Variants in SMCO4 observed in about 807,000 individuals in gnomAD.
SMCO4 encodes the protein single-pass membrane protein with coiled-coil domains 4.
In SMCO4, 4 loss-of-function variants were observed where a neutral mutation model predicts 3.6. The ratio of observed to expected loss-of-function variants is 1.11; its 90% CI spans 0.54 to 2.53. SMCO4 has a LOEUF of 2.53. SMCO4 is among the 30% of genes most tolerant of loss of function. The pLI is 0.02. For synonymous variants in SMCO4, 36 were observed against 35.3 expected, an observed-to-expected ratio of 1.02 and a Z score of -0.07; for missense variants, 70 against 80.8, an observed-to-expected ratio of 0.87 and a Z score of 0.51.
At chr11:93,502,719 A>G (rs1038326607) in intron 1 of SMCO4, among the ~76,000 whole-genome samples, 1 of 152,226 alleles carries the variant, frequency 6.6e-6, no homozygotes, top group East Asian at 1.9e-4. Context: ...TTAATGCTAC[A>G]CGGCAACATC....
chr11:93,486,042 C>A (rs1450985687), intron 2 of SMCO4, among the ~76,000 whole-genome samples: 1 of 152,180 alleles, frequency 6.6e-6, no homozygotes, highest in Non-Finnish European at 1.5e-5. Context: ...CCAAAGCCCA[C>A]CCATCCTGTG....
intron 1 of SMCO4, among the ~76,000 whole-genome samples, chr11:93,529,042 C>T (rs544138667): frequency 1.3e-5 from 2 of 152,226 alleles, no homozygotes; most frequent in East Asian, 3.9e-4. Context: ...GGCTCCCACT[C>T]GTGGGCAAGG....
At chr11:93,521,843 T>C (rs1037402308) in intron 1 of SMCO4, among the ~76,000 whole-genome samples, 1 of 152,170 alleles carries the variant, frequency 6.6e-6, no homozygotes, top group Non-Finnish European at 1.5e-5. Flanking sequence ...CTTCGCAATC[T>C]AGCCAATACC....
chr11:93,494,604 G>A (rs1280580303), intron 2 of SMCO4, among the ~76,000 whole-genome samples: 2 of 152,184 alleles, frequency 1.3e-5, no homozygotes, highest in East Asian at 3.9e-4. Context: ...AGAAACTCCA[G>A]CAGGGCACTA....
chr11:93,489,970 G>A (rs1948694461), intron 2 of SMCO4, among the ~76,000 whole-genome samples: 1 of 152,212 alleles, frequency 6.6e-6, no homozygotes, highest in Non-Finnish European at 1.5e-5. Flanking sequence ...TCCAGGCTCA[G>A]GGCAGTCTAG....
At chr11:93,546,433 T>C (rs558988484), upstream of SMCO4, among the ~76,000 whole-genome samples, 234 of 152,346 alleles carry the variant, frequency 1.5e-3, no homozygotes, top group African/African-American at 5.4e-3. Flanking sequence ...TCATAGAGGT[T>C]AGGTGTGTTT....
intron 1 of SMCO4, among the ~76,000 whole-genome samples, chr11:93,516,119 C>T (rs1048038534): frequency 2.6e-5 from 4 of 151,998 alleles, no homozygotes; most frequent in Non-Finnish European, 4.4e-5. Flanking sequence ...ATAAATTATC[C>T]CTTTTACTAA....
At chr11:93,485,170 C>A (rs948160408) in intron 2 of SMCO4, among the ~76,000 whole-genome samples, 6 of 152,190 alleles carry the variant, frequency 3.9e-5, no homozygotes, top group Admixed American at 3.3e-4. Flanking sequence ...CCATGAGTAG[C>A]TGGCATTATA....
chr11:93,514,374 C>CCATA (rs1555077516), intron 1 of SMCO4, among the ~76,000 whole-genome samples: 1 of 39,096 alleles, frequency 2.6e-5, no homozygotes, highest in South Asian at 7.0e-4. Context: ...CAGGATGAGG[C>CCATA]TATATATATA....
chr11:93,534,211 TATATACACACACACACACACACACAC>T (rs1382836638), intron 1 of SMCO4, among the ~76,000 whole-genome samples: 2 of 96,994 alleles, frequency 2.1e-5, no homozygotes, highest in East Asian at 6.2e-4. Context: ...AAAAAATATA[TATATACACACACACACACACACACAC>T]ACACACACAC....
At chr11:93,497,458 C>T (rs1447022270) in intron 2 of SMCO4, among the ~76,000 whole-genome samples, 1 of 152,196 alleles carries the variant, frequency 6.6e-6, no homozygotes, top group Non-Finnish European at 1.5e-5. Flanking sequence ...ACTTTCAAGA[C>T]TGACTGGAAG....
At chr11:93,500,352 T>C (rs1054616881) in intron 1 of SMCO4, among the ~76,000 whole-genome samples, 1 of 152,216 alleles carries the variant, frequency 6.6e-6, no homozygotes, top group Non-Finnish European at 1.5e-5. Context: ...CTTCATATTC[T>C]CTTGCAGTAA....
At chr11:93,518,095 A>T (rs1455306263) in intron 1 of SMCO4, among the ~76,000 whole-genome samples, 1 of 152,228 alleles carries the variant, frequency 6.6e-6, no homozygotes, top group African/African-American at 2.4e-5. Context: ...TTGGCAGTCG[A>T]TCCACACAAC....
chr11:93,511,853 A>G (rs1298922862), intron 1 of SMCO4, among the ~76,000 whole-genome samples: 2 of 152,214 alleles, frequency 1.3e-5, no homozygotes, highest in Non-Finnish European at 2.9e-5. Context: ...CCATATTCGT[A>G]ATTGTTTTTA....
chr11:93,523,130 T>G (rs1565385828), intron 1 of SMCO4, among the ~76,000 whole-genome samples: 1 of 152,170 alleles, frequency 6.6e-6, no homozygotes, highest in Non-Finnish European at 1.5e-5. Flanking sequence ...GGTCTGTCAC[T>G]AGGTGACCAA....
intron 1 of SMCO4, among the ~76,000 whole-genome samples, chr11:93,514,413 T>TATATATATATACACAC (rs781423008): frequency 2.1e-4 from 7 of 33,956 alleles, no homozygotes; most frequent in African/African-American, 5.6e-4. Flanking sequence ...TATATATATA[T>TATATATATATACACAC]ATATATATAA....
At chr11:93,537,319 A>G (rs1949235281) in intron 1 of SMCO4, among the ~76,000 whole-genome samples, 1 of 152,218 alleles carries the variant, frequency 6.6e-6, no homozygotes, top group African/African-American at 2.4e-5. Flanking sequence ...GAGTCCCTCC[A>G]CTTCGGCAAA....
At chr11:93,481,827 G>C (rs1054386697) in intron 2 of SMCO4, among the ~76,000 whole-genome samples, 1 of 152,214 alleles carries the variant, frequency 6.6e-6, no homozygotes, top group African/African-American at 2.4e-5. Flanking sequence ...GCCCGCTGCT[G>C]TCTCTCCCAA....
the SMCO4 span, among the ~76,000 whole-genome samples, chr11:93,553,137 A>T: frequency 1.3e-5 from 2 of 152,238 alleles, no homozygotes; most frequent in African/African-American, 4.8e-5. Context: ...TTTACAGGCA[A>T]AGAATTCTAA....
Sources: allele counts gnomAD v4.1 joint callset (sites outside exome capture counted in the v4.1 genomes callset), GRCh38; gene constraint gnomAD v4.1.1; transcripts MANE v1.5; gene names NCBI Gene and HGNC (gene_info 2026-07-23, HGNC 2026-07-21).